Variants in NFIB observed in about 807,000 individuals in gnomAD.
The protein encoded by NFIB is nuclear factor I B.
NFIB carries 11 observed loss-of-function variants against 61.5 expected under a neutral mutation model. That is an observed-to-expected ratio of 0.18 (90% CI 0.11 to 0.30). The LOEUF is 0.30. Among genes scored for constraint, NFIB ranks in the 10% least tolerant of loss-of-function variants. The probability of loss-of-function intolerance (pLI) is 1.00; values close to 1 mark genes in which losing one functional copy is unlikely to be tolerated. For synonymous variants in NFIB, 260 were observed against 216.5 expected, an observed-to-expected ratio of 1.20 and a Z score of -1.76; for missense variants, 471 against 608.9, an observed-to-expected ratio of 0.77 and a Z score of 2.38.
intron 2 of NFIB, among the ~76,000 whole-genome samples, chr9:14,231,904 A>AT (rs1197674328): frequency 3.3e-5 from 5 of 152,184 alleles, no homozygotes; most frequent in Admixed American, 3.3e-4. Flanking sequence ...AAAAAATCTC[A>AT]TTTTTCCCCT....
chr9:14,206,500 C>A (rs1326933688), intron 2 of NFIB, among the ~76,000 whole-genome samples: 1 of 151,844 alleles, frequency 6.6e-6, no homozygotes, highest in African/African-American at 2.4e-5. Context: ...GAGCTAATTT[C>A]TTTCCTTTCA....
chr9:14,442,386 A>T, the NFIB span, among the ~76,000 whole-genome samples: 1 of 152,198 alleles, frequency 6.6e-6, no homozygotes, highest in Non-Finnish European at 1.5e-5. Context: ...GGATCAAATG[A>T]GCAAGAGCAA....
the NFIB span, among the ~76,000 whole-genome samples, chr9:14,516,662 A>AC: frequency 1.3e-5 from 2 of 152,290 alleles, no homozygotes; most frequent in African/African-American, 4.8e-5. Flanking sequence ...TCTAATTAAT[A>AC]CTTCCACATT....
At chr9:14,448,367 G>A in the NFIB span, among the ~76,000 whole-genome samples, 1 of 152,148 alleles carries the variant, frequency 6.6e-6, no homozygotes, top group South Asian at 2.1e-4. Context: ...GCTGAAATAA[G>A]GAACTAAATG....
chr9:14,198,611 T>C (rs2048695266), intron 2 of NFIB, among the ~76,000 whole-genome samples: 1 of 152,190 alleles, frequency 6.6e-6, no homozygotes, highest in South Asian at 2.1e-4. Context: ...CAGATTCACC[T>C]GAGATGCTTG....
intron 10 of NFIB, among the ~76,000 whole-genome samples, chr9:14,111,515 T>A (rs1444984345): frequency 1.3e-5 from 2 of 152,192 alleles, no homozygotes; most frequent in Non-Finnish European, 2.9e-5. Flanking sequence ...AGAAAAATAT[T>A]CCTGAGAATA....
chr9:14,394,564 G>T (rs576956780), intron 1 of NFIB, among the ~76,000 whole-genome samples: 1 of 152,296 alleles, frequency 6.6e-6, no homozygotes, highest in African/African-American at 2.4e-5. Context: ...CATAAGAACA[G>T]TATGGGGAAA....
At chr9:14,294,952 G>A (rs902923999) in intron 2 of NFIB, among the ~76,000 whole-genome samples, 7 of 152,154 alleles carry the variant, frequency 4.6e-5, no homozygotes, top group Admixed American at 3.9e-4. Flanking sequence ...GTTCCTCCAA[G>A]GACCTCCATG....
chr9:14,322,721 G>T (rs898572731), intron 1 of NFIB, among the ~76,000 whole-genome samples: 1 of 152,030 alleles, frequency 6.6e-6, no homozygotes, highest in Non-Finnish European at 1.5e-5. Flanking sequence ...CCCGGGACCC[G>T]GGAGGCGGGA....
At chr9:14,480,817 T>A in the NFIB span, among the ~76,000 whole-genome samples, 4 of 152,168 alleles carry the variant, frequency 2.6e-5, no homozygotes, top group East Asian at 7.7e-4. Context: ...TTTGTAGACA[T>A]CCTGGTGCCT....
intron 2 of NFIB, among the ~76,000 whole-genome samples, chr9:14,272,378 T>C (rs931968378): frequency 2.0e-5 from 3 of 152,170 alleles, no homozygotes; most frequent in African/African-American, 7.2e-5. Flanking sequence ...CCATGACATT[T>C]TTCCTTGCCA....
intron 9 of NFIB, among the ~76,000 whole-genome samples, chr9:14,115,865 A>G (rs2119082097): frequency 6.6e-6 from 1 of 152,326 alleles, no homozygotes; most frequent in African/African-American, 2.4e-5. Flanking sequence ...GGTGATACGA[A>G]AACTTTGTAT....
intron 1 of NFIB, chr9:14,308,043 C>G (rs1036567554): frequency 6.5e-6 from 1 of 152,762 alleles, no homozygotes; most frequent in Non-Finnish European, 1.5e-5. Flanking sequence ...CATATAGATG[C>G]TCAGTGTAAT....
Position 14,086,262 on chromosome 9 carries a change from T to A in NFIB, c.*2047A>T. On this transcript the variant is annotated 3_prime_UTR_variant, in exon 11 of 11. Coordinates refer to ENST00000380953, the MANE Select transcript of NFIB (RefSeq NM_001190737.2). ...ACCCACCCCAGAATATATATATATG[T>A]ATATTAAAAAAAATCCCCTGTCCAT... is the stretch of plus-strand genomic sequence containing the variant. 4.5e-6 allele frequency: 1 copy of A among 220,560 alleles called. No homozygotes were observed. Among genetic ancestry groups the A allele is most frequent in the Non-Finnish European group, 9.1e-6 (1 of 109,902 alleles). 13.7% of individuals were successfully genotyped at this position (220,560 alleles called of 1,614,324 possible).
upstream of NFIB, among the ~76,000 whole-genome samples, chr9:14,401,508 G>C (rs1198431496): frequency 6.6e-6 from 1 of 152,078 alleles, no homozygotes; most frequent in Non-Finnish European, 1.5e-5. Context: ...TCATCTTCTT[G>C]GCACCTAGTA....
the NFIB span, among the ~76,000 whole-genome samples, chr9:14,528,568 G>T: frequency 6.6e-6 from 1 of 152,194 alleles, no homozygotes; most frequent in African/African-American, 2.4e-5. Context: ...TAATTTTACA[G>T]ATTAATATTC....
At chr9:14,200,666 G>A (rs2048934993) in intron 2 of NFIB, among the ~76,000 whole-genome samples, 1 of 152,028 alleles carries the variant, frequency 6.6e-6, no homozygotes, top group South Asian at 2.1e-4. Flanking sequence ...ATTTCTGAGG[G>A]CTGCTTTCCT....
intron 1 of NFIB, among the ~76,000 whole-genome samples, chr9:14,328,330 G>C (rs1209912053): frequency 1.3e-5 from 2 of 152,110 alleles, no homozygotes; most frequent in African/African-American, 4.8e-5. Flanking sequence ...TTTTTTTGTA[G>C]AGATGGGATG....
intron 2 of NFIB, among the ~76,000 whole-genome samples, chr9:14,219,481 C>T (rs1484915297): frequency 7.0e-6 from 1 of 142,158 alleles, no homozygotes; most frequent in Non-Finnish European, 1.5e-5. Flanking sequence ...TAAAATTAAA[C>T]TACTAACTAT....
Sources: allele counts gnomAD v4.1 joint callset (sites outside exome capture counted in the v4.1 genomes callset), GRCh38; gene constraint gnomAD v4.1.1; transcripts MANE v1.5; gene names NCBI Gene and HGNC (gene_info 2026-07-23, HGNC 2026-07-21).